CCR3: variants seen among roughly 807,000 people sequenced by gnomAD.
CCR3 encodes C-C motif chemokine receptor 3, also known as C-C chemokine receptor type 3.
For missense variants in CCR3, 419 were observed against 437.5 expected (o/e 0.96, Z 0.38); for synonymous variants, 203 against 179.2 (o/e 1.13, Z -1.06).
intron 1 of CCR3, among the ~76,000 whole-genome samples, chr3:46,253,106 C>T (rs1379788239): frequency 1.3e-5 from 2 of 152,174 alleles, no homozygotes; most frequent in East Asian, 1.9e-4. Context: ...TCCCCAGTGA[C>T]TCCCACATGC....
intron 1 of CCR3, among the ~76,000 whole-genome samples, chr3:46,245,900 A>G (rs550973426): frequency 6.6e-6 from 1 of 152,284 alleles, no homozygotes; most frequent in South Asian, 2.1e-4. Context: ...TTATGGCTGC[A>G]TAGTATTCCA....
intron 2 of CCR3, among the ~76,000 whole-genome samples, chr3:46,226,212 T>C (rs1305907123): frequency 6.6e-6 from 1 of 152,230 alleles, no homozygotes; most frequent in African/African-American, 2.4e-5. Flanking sequence ...CAAATGGCTA[T>C]AAAAATTTCA....
At chr3:46,257,427 CTTTTTTTTT>C (rs34426861) in intron 1 of CCR3, among the ~76,000 whole-genome samples, 1 of 103,972 alleles carries the variant, frequency 9.6e-6, no homozygotes, top group Non-Finnish European at 1.9e-5. Context: ...TTGTCCCAGG[CTTTTTTTTT>C]TTTTTTTTTT....
At chr3:46,226,673 C>T (rs953733824) in intron 2 of CCR3, among the ~76,000 whole-genome samples, 1 of 152,108 alleles carries the variant, frequency 6.6e-6, no homozygotes, top group Non-Finnish European at 1.5e-5. Flanking sequence ...CTGGCTTAAA[C>T]TTCCAGTTGA....
chr3:46,257,378 T>C (rs1359078423), intron 1 of CCR3, among the ~76,000 whole-genome samples: 1 of 151,938 alleles, frequency 6.6e-6, no homozygotes, highest in Non-Finnish European at 1.5e-5. Flanking sequence ...ACTTTAACAT[T>C]GTTATCTTTC....
chr3:46,251,610 A>G (rs1192008483), intron 1 of CCR3, among the ~76,000 whole-genome samples: 7 of 152,160 alleles, frequency 4.6e-5, no homozygotes, highest in African/African-American at 9.7e-5. Flanking sequence ...ACCAAATTTC[A>G]TGTGCATCCT....
chr3:46,227,227 G>A (rs1301200070), intron 2 of CCR3, among the ~76,000 whole-genome samples: 1 of 152,000 alleles, frequency 6.6e-6, no homozygotes, highest in Non-Finnish European at 1.5e-5. Flanking sequence ...TTTTATCTAT[G>A]TCAATATTCA....
At chr3:46,251,825 TG>T (rs1018651564) in intron 1 of CCR3, among the ~76,000 whole-genome samples, 1 of 152,008 alleles carries the variant, frequency 6.6e-6, no homozygotes, top group African/African-American at 2.4e-5. Context: ...AGGTGCTCAG[TG>T]GGGGTGATTT....
chr3:46,223,869 G>A (rs1376879289), intron 2 of CCR3, among the ~76,000 whole-genome samples: 3 of 152,144 alleles, frequency 2.0e-5, no homozygotes, highest in African/African-American at 7.2e-5. Flanking sequence ...GGTACTAGAG[G>A]ACAGTGGATG....
chr3:46,247,622 G>A (rs55842014), intron 1 of CCR3, among the ~76,000 whole-genome samples: 50,358 of 151,970 alleles, frequency 0.33, 8,507 homozygotes, highest in Admixed American at 0.37. Flanking sequence ...AGGCTGGTCT[G>A]TTATCAGACT....
intron 2 of CCR3, among the ~76,000 whole-genome samples, chr3:46,211,395 ATATT>A (rs142700036): frequency 0.089 from 13,373 of 150,082 alleles, 726 homozygotes; most frequent in South Asian, 0.27. Flanking sequence ...ATATATATAT[ATATT>A]TTTTGTAGAA....
upstream of CCR3, among the ~76,000 whole-genome samples, chr3:46,238,368 T>C (rs1284786204): frequency 6.6e-6 from 1 of 152,234 alleles, no homozygotes; most frequent in African/African-American, 2.4e-5. Context: ...ATTTGCCATC[T>C]ATACTTTTTT....
At chr3:46,264,547 C>G in intron 1 of CCR3, 1 of 749,820 alleles carries the variant, frequency 1.3e-6, no homozygotes, top group Admixed American at 3.2e-5. Flanking sequence ...GACTAAAGAT[C>G]TAGCCCAAAT....
At position 46,266,229 on chromosome 3, in the gene CCR3, C is replaced by T; in HGVS notation, c.*3C>T. 6.3e-7 allele frequency: 1 copy of T among 1,589,152 alleles called. No individual in the cohort carries two copies. Among genetic ancestry groups the T allele is most frequent in the Non-Finnish European group, 8.6e-7 (1 of 1,161,202 alleles). On this transcript the variant is annotated 3_prime_UTR_variant, in exon 2 of 2. Transcript: ENST00000395940. ...CGGAACTCTCTATTGTGTTTTAGGT[C>T]AGATGCAGAAAATTGCCTAAAGAGG... is the stretch of plus-strand genomic sequence containing the variant.
At chr3:46,221,184 T>C (rs1036812115) in intron 2 of CCR3, among the ~76,000 whole-genome samples, 1 of 152,118 alleles carries the variant, frequency 6.6e-6, no homozygotes, top group Non-Finnish European at 1.5e-5. Flanking sequence ...TGCTATTATA[T>C]CAGGCATGTT....
At chr3:46,247,131 C>T (rs1194718202) in intron 1 of CCR3, among the ~76,000 whole-genome samples, 2 of 152,120 alleles carry the variant, frequency 1.3e-5, no homozygotes, top group Non-Finnish European at 2.9e-5. Flanking sequence ...TATTTATTTA[C>T]TTCAAGAGTT....
chr3:46,262,130 A>G (rs1025534488), intron 1 of CCR3, among the ~76,000 whole-genome samples: 1 of 152,248 alleles, frequency 6.6e-6, no homozygotes. Context: ...GAACACTGAA[A>G]GAAGAAACTG....
Position 46,225,874 on chromosome 3 carries a change from G to A in CCR3, c.-68+14967G>A, listed in dbSNP as rs546863058. On this transcript the variant is annotated intron_variant, in intron 2 of 3. Coordinates refer to the CCR3 transcript ENST00000357422. ...TTGTATAAGGTGTGAGGTTTAGGCT[G>A]AGGGTCATTTTGTTTTTTGGTTTAT... Among the ~76,000 whole-genome samples the A allele has an allele frequency of 3.3e-5, 5 of 152,330 alleles. No homozygotes were observed. The East Asian group carries it at 7.7e-4, about 23-fold the overall frequency.
Position 46,266,391 on chromosome 3 carries a change from C to T in CCR3, c.*165C>T. ...ACAGCAGTAGCAGTAGATGCATGTA[C>T]CCTAAGGTCATTACCACAGGCCAGG... On this transcript the variant is annotated 3_prime_UTR_variant, in exon 2 of 2. Coordinates refer to ENST00000395940, the MANE Select transcript of CCR3 (RefSeq NM_178329.3). 1.7e-6 allele frequency: 1 copy of T among 593,742 alleles called. No individual in the cohort carries two copies. Among genetic ancestry groups the T allele is most frequent in the Non-Finnish European group, 3.0e-6 (1 of 328,130 alleles). The allele number at this position is 593,742 out of a possible 1,614,324, so 36.8% of individuals were successfully genotyped here.
Sources: allele counts gnomAD v4.1 joint callset (sites outside exome capture counted in the v4.1 genomes callset), GRCh38; gene constraint gnomAD v4.1.1; transcripts MANE v1.5; gene names NCBI Gene and HGNC (gene_info 2026-07-23, HGNC 2026-07-21).